Variants in INTU observed in about 807,000 individuals in gnomAD.
The protein encoded by INTU is inturned planar cell polarity protein.
Under a neutral mutation model 100.5 loss-of-function variants are expected in INTU, and 68 were observed. That is an observed-to-expected ratio of 0.68 (90% confidence interval 0.56 to 0.83). The LOEUF (loss-of-function observed/expected upper bound fraction) is 0.83. Ranked by LOEUF, INTU falls within the 40% of genes least tolerant of loss-of-function variation. The pLI, the probability that INTU is intolerant of heterozygous loss-of-function variation, is 0.00. For synonymous variants in INTU, 357 were observed against 395.7 expected, an observed-to-expected ratio of 0.90 and a Z score of 1.16; for missense variants, 1,071 against 1,114.7, an observed-to-expected ratio of 0.96 and a Z score of 0.56.
intron 2 of INTU, among the ~76,000 whole-genome samples, chr4:127,644,689 A>C (rs1727493789): frequency 6.6e-6 from 1 of 152,246 alleles, no homozygotes; most frequent in Non-Finnish European, 1.5e-5. Flanking sequence ...AAGCTGTTAG[A>C]TACAATGTTT....
In INTU at chr4:127,638,731, G is replaced by A. The variant is rs146247410; in HGVS notation, c.147-4790G>A. On this transcript the variant is annotated intron_variant, in intron 1 of 15. Coordinates refer to ENST00000335251, the MANE Select transcript of INTU (RefSeq NM_015693.4). Reference sequence around the variant, plus strand: ...TGTTTACCACATCATTTAGGGCCTTGAATACCAATTAAAATGCCCTAAAAC... The same window carrying A: ...TGTTTACCACATCATTTAGGGCCTTAAATACCAATTAAAATGCCCTAAAAC... 7.8e-4 allele frequency among the ~76,000 whole-genome samples: 118 copies of A among 152,184 alleles called. 1 individual carries two copies. Among genetic ancestry groups the A allele is most frequent in the African/African-American group, 2.7e-3 (111 of 41,542 alleles).
Position 127,726,048 on chromosome 4 carries a change from A to T in INTU, c.*9612A>T, listed in dbSNP as rs1731412302. The stretch of plus-strand genomic sequence containing the variant: ...TGTTCCCTTCCACCAACAACTATTA[A>T]TGTGAAAAACTATATATAGCTAGCA... On this transcript the variant is annotated 3_prime_UTR_variant, in exon 16 of 16. Coordinates refer to ENST00000335251, the MANE Select transcript of INTU (RefSeq NM_015693.4). 6.6e-6 allele frequency: 1 copy of T among 152,158 alleles called. No individual in the cohort carries two copies. Among genetic ancestry groups the T allele is most frequent in the Non-Finnish European group, 1.5e-5 (1 of 68,028 alleles). The allele number at this position is 152,158 out of a possible 1,614,324, so 9.4% of individuals were successfully genotyped here. A position where few individuals can be genotyped will look rare whatever the true frequency, so the allele number is the denominator to read the frequency against.
At chr4:127,679,118 C>G (rs967470985) in intron 6 of INTU, among the ~76,000 whole-genome samples, 6 of 151,590 alleles carry the variant, frequency 4.0e-5, no homozygotes, top group Non-Finnish European at 8.9e-5. Context: ...CCTGAGTGAC[C>G]TACAAAGAGA....
chr4:127,684,837 C>T (rs1427661270), intron 7 of INTU, among the ~76,000 whole-genome samples: 2 of 148,246 alleles, frequency 1.3e-5, no homozygotes, highest in African/African-American at 5.0e-5. Context: ...AGTGAAATTT[C>T]TTAGTGAATT....
chr4:127,704,771 G>C (rs1730802922), intron 10 of INTU, among the ~76,000 whole-genome samples: 1 of 151,984 alleles, frequency 6.6e-6, no homozygotes, highest in South Asian at 2.1e-4. Flanking sequence ...ATTTCCTTTT[G>C]AAAGAGTGTA....
In INTU at chr4:127,726,037, A is replaced by G. The variant is rs1731412123; in HGVS notation, c.*9601A>G. On this transcript the variant is annotated 3_prime_UTR_variant, in exon 16 of 16. Coordinates refer to ENST00000335251, the MANE Select transcript of INTU (RefSeq NM_015693.4). ...TAGTATGCAAATGTTCCCTTCCACC[A>G]ACAACTATTAATGTGAAAAACTATA... 6.6e-6 allele frequency: 1 copy of G among 152,228 alleles called. No homozygotes were observed. The highest frequency in any genetic ancestry group is 2.4e-5 in the African/African-American group (1 of 41,454). 9.4% of individuals were successfully genotyped at this position (152,228 alleles called of 1,614,324 possible). A position where few individuals can be genotyped will look rare whatever the true frequency, so the allele number is the denominator to read the frequency against.
intron 6 of INTU, among the ~76,000 whole-genome samples, chr4:127,677,839 G>A (rs1394876527): frequency 1.1e-4 from 16 of 152,270 alleles, no homozygotes; most frequent in African/African-American, 2.9e-4. Context: ...AGGCAAAGAA[G>A]TTGAAAACTT....
intron 4 of INTU, among the ~76,000 whole-genome samples, chr4:127,668,019 A>G (rs1053445221): frequency 1.3e-5 from 2 of 152,038 alleles, no homozygotes; most frequent in East Asian, 3.9e-4. Context: ...ATACTATTTA[A>G]GGAGTTTGGG....
intron 4 of INTU, among the ~76,000 whole-genome samples, chr4:127,665,749 A>C (rs1728668816): frequency 1.3e-5 from 2 of 152,122 alleles, no homozygotes; most frequent in Non-Finnish European, 2.9e-5. Flanking sequence ...GAGAAGAGAG[A>C]AGGCAGGCAG....
At chr4:127,669,683 GC>G in intron 5 of INTU, among the ~76,000 whole-genome samples, 1 of 151,824 alleles carries the variant, frequency 6.6e-6, no homozygotes, top group Non-Finnish European at 1.5e-5. Flanking sequence ...CTTTAGGAGG[GC>G]TATTCATAAT....
At chr4:127,653,078 CA>C (rs1193513170) in intron 2 of INTU, among the ~76,000 whole-genome samples, 1 of 151,704 alleles carries the variant, frequency 6.6e-6, no homozygotes. Flanking sequence ...TCTCCTTTAT[CA>C]TTTTTTATTG....
chr4:127,706,351 G>T, intron 11 of INTU, 136 bp from the exon 12 acceptor site: 1 of 719,774 alleles, frequency 1.4e-6, no homozygotes, highest in Non-Finnish European at 2.2e-6. Context: ...AAAGATGACG[G>T]AGGAATTTTT....
At position 127,706,821 on chromosome 4, in the gene INTU, G is replaced by A. The variant is rs1333990215; in HGVS notation, c.2123G>A (p.Ser708Asn). 18 of 1,614,130 alleles carry A rather than the reference G, an allele frequency of 1.1e-5. No individual in the cohort carries two copies. The highest frequency in any genetic ancestry group is 1.4e-5 in the Non-Finnish European group (16 of 1,180,006). ...GDYSLKTRKP[S>N]PSCSSGGSDN... ...TATTCCTTAAAGACACGCAAGCCTA[G>A]TCCTTCCTGTAGTAGTGGAGGATCT... The change falls in exon 12 of 16, where the codon AGT becomes AAT. Residue 708 changes from serine to asparagine, a missense_variant. Ser to Asn is a conservative substitution (Grantham distance 46). Transcript: ENST00000335251.
intron 8 of INTU, among the ~76,000 whole-genome samples, chr4:127,689,454 A>G (rs1730003808): frequency 6.6e-6 from 1 of 151,888 alleles, no homozygotes; most frequent in Non-Finnish European, 1.5e-5. Context: ...GTTCAAGACC[A>G]GCCTGGACAA....
intron 1 of INTU, among the ~76,000 whole-genome samples, chr4:127,636,282 C>CT (rs945312697): frequency 1.3e-5 from 2 of 151,236 alleles, no homozygotes; most frequent in Non-Finnish European, 2.9e-5. Context: ...AAAAAAAGTT[C>CT]TTTTTTTTGG....
chr4:127,676,496 G>A (rs557060865), intron 6 of INTU, among the ~76,000 whole-genome samples: 147 of 152,000 alleles, frequency 9.7e-4, no homozygotes, highest in Non-Finnish European at 1.8e-3. Flanking sequence ...TGAGGTGGGA[G>A]GATTGCTTGG....
At chr4:127,643,221 C>G (rs931242317) in intron 1 of INTU, among the ~76,000 whole-genome samples, 8 of 152,056 alleles carry the variant, frequency 5.3e-5, no homozygotes, top group African/African-American at 1.9e-4. Flanking sequence ...TTTTTCAACT[C>G]ATAGATTCTA....
intron 4 of INTU, among the ~76,000 whole-genome samples, chr4:127,663,951 A>G (rs1728587695): frequency 6.6e-6 from 1 of 152,048 alleles, no homozygotes; most frequent in Non-Finnish European, 1.5e-5. Flanking sequence ...TAAGTGTACA[A>G]TCTGATGAGT....
chr4:127,656,383 T>A (rs1728224425), intron 2 of INTU, among the ~76,000 whole-genome samples: 2 of 152,198 alleles, frequency 1.3e-5, no homozygotes, highest in Non-Finnish European at 2.9e-5. Context: ...AAAATAGTTA[T>A]TTTTTAAAAT....
Sources: allele counts gnomAD v4.1 joint callset (sites outside exome capture counted in the v4.1 genomes callset), GRCh38; gene constraint gnomAD v4.1.1; transcripts MANE v1.5; gene names NCBI Gene and HGNC (gene_info 2026-07-23, HGNC 2026-07-21).